Variants in AGBL4 observed in about 807,000 individuals in gnomAD.
AGBL4 encodes cytosolic carboxypeptidase 6.
In AGBL4, 58 loss-of-function variants were observed where a neutral mutation model predicts 66.4. That is an observed-to-expected ratio of 0.87 (90% CI 0.71 to 1.09). The LOEUF (loss-of-function observed/expected upper bound fraction) is 1.09, where lower values mean the gene tolerates loss of function less well. Ranked by LOEUF, AGBL4 falls within the 50% of genes least tolerant of loss-of-function variation. The pLI, the probability that AGBL4 is intolerant of heterozygous loss-of-function variation, is 0.00. For missense variants in AGBL4, 579 were observed against 631.0 expected (o/e 0.92, Z 0.88); for synonymous variants, 234 against 222.9 (o/e 1.05, Z -0.44).
At chr1:49,492,798 G>C (rs1647225200) in intron 3 of AGBL4, among the ~76,000 whole-genome samples, 1 of 151,942 alleles carries the variant, frequency 6.6e-6, no homozygotes, top group South Asian at 2.1e-4. Context: ...TGGAAGGTTA[G>C]AAGAGCAGAT....
At chr1:49,480,155 A>G (rs1197031604) in intron 3 of AGBL4, among the ~76,000 whole-genome samples, 2 of 152,072 alleles carry the variant, frequency 1.3e-5, no homozygotes, top group Non-Finnish European at 2.9e-5. Flanking sequence ...TATATACCCA[A>G]TAATGAGGTT....
intron 1 of AGBL4, among the ~76,000 whole-genome samples, chr1:49,936,547 A>G (rs975931199): frequency 6.6e-6 from 1 of 152,180 alleles, no homozygotes; most frequent in Non-Finnish European, 1.5e-5. Context: ...AGATTCACCA[A>G]AGTTGAAATG....
chr1:49,013,502 C>G (rs762801264), intron 5 of AGBL4, among the ~76,000 whole-genome samples: 1 of 152,142 alleles, frequency 6.6e-6, no homozygotes, highest in South Asian at 2.1e-4. Context: ...TTGGAAGGAA[C>G]GGGGCTTCAT....
intron 1 of AGBL4, among the ~76,000 whole-genome samples, chr1:49,930,763 T>C (rs1653255579): frequency 1.3e-5 from 2 of 152,038 alleles, no homozygotes; most frequent in Non-Finnish European, 2.9e-5. Context: ...GGCCTCAGCA[T>C]GATAAGAAAA....
At chr1:49,236,142 G>A (rs1406339550) in intron 4 of AGBL4, among the ~76,000 whole-genome samples, 2 of 152,018 alleles carry the variant, frequency 1.3e-5, no homozygotes, top group African/African-American at 4.8e-5. Context: ...TGATTCTTCT[G>A]CCTCAGCTTC....
At chr1:49,480,188 T>C (rs1646927497) in intron 3 of AGBL4, among the ~76,000 whole-genome samples, 2 of 152,120 alleles carry the variant, frequency 1.3e-5, no homozygotes, top group South Asian at 4.1e-4. Flanking sequence ...TAGTTCTCTC[T>C]TTAGGTCTTT....
At chr1:49,028,337 G>A (rs1474074689) in intron 5 of AGBL4, among the ~76,000 whole-genome samples, 1 of 152,178 alleles carries the variant, frequency 6.6e-6, no homozygotes, top group African/African-American at 2.4e-5. Flanking sequence ...ATTGCCCCTA[G>A]AGAAAACAGA....
intron 1 of AGBL4, among the ~76,000 whole-genome samples, chr1:49,941,450 T>C (rs1033744830): frequency 1.3e-5 from 2 of 151,950 alleles, no homozygotes; most frequent in African/African-American, 4.8e-5. Flanking sequence ...TAGGCCAATA[T>C]CCAGGATGAA....
At chr1:49,539,748 G>A (rs1651866121) in intron 3 of AGBL4, among the ~76,000 whole-genome samples, 1 of 152,120 alleles carries the variant, frequency 6.6e-6, no homozygotes, top group African/African-American at 2.4e-5. Context: ...TATTGAATGA[G>A]GGCTGTGAGT....
chr1:49,755,912 T>G (rs1412460377), intron 2 of AGBL4, among the ~76,000 whole-genome samples: 1 of 152,198 alleles, frequency 6.6e-6, no homozygotes, highest in Non-Finnish European at 1.5e-5. Context: ...AATGGCTCAG[T>G]TAGAATATGA....
chr1:48,883,738 G>A (rs749756084), intron 5 of AGBL4, among the ~76,000 whole-genome samples: 1 of 152,126 alleles, frequency 6.6e-6, no homozygotes, highest in Non-Finnish European at 1.5e-5. Context: ...AATACACTTC[G>A]ATAAATTAAT....
chr1:49,654,055 T>C (rs1329573986), intron 3 of AGBL4, among the ~76,000 whole-genome samples: 1 of 152,064 alleles, frequency 6.6e-6, no homozygotes, highest in Non-Finnish European at 1.5e-5. Context: ...AAAGAAAACA[T>C]TTTAAGGGCA....
chr1:48,953,378 A>G (rs1271491234), intron 5 of AGBL4, among the ~76,000 whole-genome samples: 1 of 152,194 alleles, frequency 6.6e-6, no homozygotes, highest in Non-Finnish European at 1.5e-5. Flanking sequence ...CAGGGCCAGG[A>G]ACTCAAGATT....
At chr1:49,223,234 A>G (rs1041308570) in intron 4 of AGBL4, among the ~76,000 whole-genome samples, 19 of 152,180 alleles carry the variant, frequency 1.2e-4, no homozygotes, top group Admixed American at 7.9e-4. Context: ...TGGAAATACC[A>G]AGATGGTAAG....
intron 1 of AGBL4, among the ~76,000 whole-genome samples, chr1:49,987,542 C>T (rs991215707): frequency 6.6e-6 from 1 of 151,896 alleles, no homozygotes; most frequent in African/African-American, 2.4e-5. Flanking sequence ...AAAATAGCAA[C>T]GTAACAACAA....
At chr1:49,620,342 T>C (rs1645334890) in intron 3 of AGBL4, among the ~76,000 whole-genome samples, 1 of 152,134 alleles carries the variant, frequency 6.6e-6, no homozygotes, top group Non-Finnish European at 1.5e-5. Flanking sequence ...AAGACATTCA[T>C]GTGGCCAACA....
chr1:49,447,041 T>C (rs1646173755), intron 3 of AGBL4, among the ~76,000 whole-genome samples: 1 of 152,152 alleles, frequency 6.6e-6, no homozygotes, highest in Non-Finnish European at 1.5e-5. Flanking sequence ...GGCAGCCCTC[T>C]AGCCTGTCTA....
chr1:48,691,897 CT>C (rs1302900967), intron 6 of AGBL4, among the ~76,000 whole-genome samples: 2 of 152,144 alleles, frequency 1.3e-5, no homozygotes, highest in Non-Finnish European at 2.9e-5. Context: ...ACCTCTGTGC[CT>C]TTGCTTTGCC....
chr1:48,658,980 C>T (rs563020693), intron 7 of AGBL4, among the ~76,000 whole-genome samples: 1 of 152,276 alleles, frequency 6.6e-6, no homozygotes, highest in African/African-American at 2.4e-5. Context: ...TGATGGGCAC[C>T]TTGGCATGTA....
Sources: gnomAD v4.1 joint callset for allele counts (sites outside exome capture counted in the v4.1 genomes callset) on GRCh38, gnomAD v4.1.1 for gene constraint, MANE v1.5 for transcripts, NCBI Gene and HGNC (gene_info 2026-07-23, HGNC 2026-07-21) for gene names.